Variants in KIAA0232 observed in about 807,000 individuals in gnomAD.
The protein encoded by KIAA0232 is uncharacterized protein KIAA0232.
In KIAA0232, 27 loss-of-function variants were observed where a neutral mutation model predicts 122.0. The ratio of observed to expected loss-of-function variants is 0.22; its 90% CI spans 0.16 to 0.31. KIAA0232 has a LOEUF of 0.31. Among genes scored for constraint, KIAA0232 ranks in the 10% least tolerant of loss-of-function variants. KIAA0232 has a pLI of 1.00. For synonymous variants in KIAA0232, 613 were observed against 587.6 expected, an observed-to-expected ratio of 1.04 and a Z score of -0.63; for missense variants, 1,551 against 1,634.2, an observed-to-expected ratio of 0.95 and a Z score of 0.88.
rs187596848 is a variant in KIAA0232 at position 6,853,040 on chromosome 4, T to C, written c.370-4124T>C. Among the ~76,000 whole-genome samples the C allele has an allele frequency of 5.0e-3, 768 of 152,270 alleles. 2 individuals are homozygous for C. Among genetic ancestry groups the C allele is most frequent in the Non-Finnish European group, 8.2e-3 (557 of 68,016 alleles). Reference sequence around the variant, plus strand: ...TTCTGGAGAGATTAAGTAGACAGCTTCTGGACTTTGGGATACTAGGCACCC... The same window carrying C: ...TTCTGGAGAGATTAAGTAGACAGCTCCTGGACTTTGGGATACTAGGCACCC... On this transcript the variant is annotated intron_variant, in intron 4 of 9. Transcript: ENST00000307659.
In KIAA0232 at chr4:6,816,785, A is replaced by G. The variant is rs576470306; in HGVS notation, c.-269-7400A>G. Among the ~76,000 whole-genome samples, 29 of 152,332 alleles carry G rather than the reference A, an allele frequency of 1.9e-4. No individual in the cohort carries two copies. The Middle Eastern group carries it at 0.01, about 54-fold the overall frequency. On this transcript the variant is annotated intron_variant, in intron 2 of 9. Transcript: ENST00000307659. Reference sequence around the variant, plus strand: ...TAAATTCAATTCCCTTTATAGATATAGGACTGTTCATTCTGTTTCTTCTTG... The same window carrying G: ...TAAATTCAATTCCCTTTATAGATATGGGACTGTTCATTCTGTTTCTTCTTG...
Position 6,863,002 on chromosome 4 carries a change from C to T in KIAA0232, c.2620C>T (p.Pro874Ser). The change falls in exon 7 of 10, where the codon CCT (proline) becomes TCT (serine). Residue 874 changes from proline to serine, a missense_variant. Physicochemically the swap from Pro to Ser is moderately conservative, Grantham distance 74. Coordinates refer to ENST00000307659, the MANE Select transcript of KIAA0232 (RefSeq NM_014743.3). The part of the protein sequence containing the change: ...AEAELETLQE[P>S]DKAVRRSEYH... Reference sequence around the variant, plus strand: ...AGCTGAACTGGAGACCCTTCAGGAGCCTGATAAGGCTGTGCGGAGGTCAGA... The same window carrying T: ...AGCTGAACTGGAGACCCTTCAGGAGTCTGATAAGGCTGTGCGGAGGTCAGA... The T allele has an allele frequency of 7.4e-6, 12 of 1,614,166 alleles. No homozygotes were observed. The highest frequency in any genetic ancestry group is 1.0e-5 in the Non-Finnish European group (12 of 1,180,028).
At position 6,862,395 on chromosome 4, in the gene KIAA0232, T is replaced by C. The variant is rs142571687; in HGVS notation, c.2013T>C (p.Asn671=). Residue 671 remains asparagine, a synonymous_variant, in exon 7 of 10, where the codon AAT becomes AAC. Transcript: ENST00000307659. ...PFSFETLNLG[N]ENTDSSANML... is the part of the protein sequence containing the mutation. The stretch of plus-strand genomic sequence containing the variant: ...CTTTTGAAACACTCAACTTGGGAAA[T>C]GAAAATACAGATTCTAGTGCTAATA... 2.1e-3 allele frequency: 3,324 copies of C among 1,614,164 alleles called. 5 individuals carry two copies. The highest frequency in any genetic ancestry group is 2.3e-3 in the Non-Finnish European group (2,722 of 1,180,028).
intron 4 of KIAA0232, among the ~76,000 whole-genome samples, chr4:6,844,072 T>A (rs1477010413): frequency 1.3e-5 from 2 of 151,450 alleles, no homozygotes; most frequent in Non-Finnish European, 2.9e-5. Context: ...CCTGAATAGC[T>A]GGGACTACAG....
chr4:6,856,786 G>T (rs563785555), intron 4 of KIAA0232, among the ~76,000 whole-genome samples: 23 of 152,058 alleles, frequency 1.5e-4, no homozygotes, highest in Admixed American at 4.6e-4. Flanking sequence ...ATAAGATCTC[G>T]CTCACATAAA....
chr4:6,839,009 A>T (rs1719498953), intron 3 of KIAA0232, among the ~76,000 whole-genome samples: 1 of 152,086 alleles, frequency 6.6e-6, no homozygotes, highest in Non-Finnish European at 1.5e-5. Flanking sequence ...CATGCCTGCA[A>T]TCCCAGCTAC....
intron 7 of KIAA0232, among the ~76,000 whole-genome samples, chr4:6,865,855 C>T (rs1236948234): frequency 6.6e-6 from 1 of 152,204 alleles, no homozygotes; most frequent in Non-Finnish European, 1.5e-5. Context: ...TTTTCATGCA[C>T]TTTATGCCTC....
intron 4 of KIAA0232, among the ~76,000 whole-genome samples, chr4:6,843,333 G>A (rs926073636): frequency 4.6e-5 from 7 of 152,184 alleles, no homozygotes; most frequent in Admixed American, 2.6e-4. Context: ...TGGACTAATT[G>A]TTGAATGGTC....
chr4:6,874,479 CTG>C (rs1332117763), intron 8 of KIAA0232, among the ~76,000 whole-genome samples: 1 of 152,206 alleles, frequency 6.6e-6, no homozygotes, highest in Non-Finnish European at 1.5e-5. Context: ...CTTGTAGACT[CTG>C]TGCACCAGGA....
intron 1 of KIAA0232, among the ~76,000 whole-genome samples, chr4:6,803,746 G>A (rs754775734): frequency 2.0e-5 from 3 of 152,132 alleles, no homozygotes; most frequent in Non-Finnish European, 2.9e-5. Context: ...TGGATTGTTA[G>A]CTATTTTCTT....
intron 3 of KIAA0232, among the ~76,000 whole-genome samples, chr4:6,830,403 C>CTTTTT (rs10714574): frequency 5.3e-5 from 4 of 75,524 alleles, no homozygotes; most frequent in Admixed American, 1.4e-4. Context: ...TCTCTGTTGT[C>CTTTTT]TTTTTTTTTT....
intron 1 of KIAA0232, among the ~76,000 whole-genome samples, chr4:6,803,244 A>G (rs1348544228): frequency 6.6e-6 from 1 of 150,588 alleles, no homozygotes; most frequent in African/African-American, 2.4e-5. Context: ...TTCTCATATA[A>G]ATTGAAGCCC....
chr4:6,857,137 C>G (rs765350840), intron 4 of KIAA0232, 27 bp from the exon 5 acceptor site: 2 of 1,567,428 alleles, frequency 1.3e-6, no homozygotes, highest in East Asian at 2.3e-5. Flanking sequence ...TGGCTGTAAC[C>G]TAATGTGTCT....
intron 4 of KIAA0232, among the ~76,000 whole-genome samples, chr4:6,854,230 T>C (rs1298513032): frequency 6.6e-6 from 1 of 152,188 alleles, no homozygotes; most frequent in Non-Finnish European, 1.5e-5. Flanking sequence ...TCTGGATGCC[T>C]CACATGTGTC....
chr4:6,846,997 A>G (rs140516530), intron 4 of KIAA0232, among the ~76,000 whole-genome samples: 2 of 152,186 alleles, frequency 1.3e-5, no homozygotes, highest in African/African-American at 4.8e-5. Context: ...ATTGGTCACA[A>G]TCAAAAACCA....
rs1216064133 is a variant in KIAA0232 at position 6,861,744 on chromosome 4, T to C, written c.1362T>C (p.Asn454=). ...ATGGTCTTTGTATCAGCAACAATAATCTTCATAAAACATACCTCGCAGCAG... is the reference window on the plus strand; with the variant it reads ...ATGGTCTTTGTATCAGCAACAATAACCTTCATAAAACATACCTCGCAGCAG... ...SVHGLCISNN[N]LHKTYLAAGT... Residue 454 remains asparagine, a synonymous_variant, in exon 7 of 10, where the codon AAT becomes AAC. Transcript: ENST00000307659. 2.5e-6 allele frequency: 4 copies of C among 1,614,054 alleles called. No homozygotes were observed. The highest frequency in any genetic ancestry group is 3.4e-6 in the Non-Finnish European group (4 of 1,180,048).
At chr4:6,877,372 C>G (rs927755681) in intron 9 of KIAA0232, among the ~76,000 whole-genome samples, 1 of 152,204 alleles carries the variant, frequency 6.6e-6, no homozygotes, top group Non-Finnish European at 1.5e-5. Flanking sequence ...TAGACCTTCC[C>G]CGGTTAAGAG....
At chr4:6,866,139 AT>A in intron 7 of KIAA0232, 7 of 731,536 alleles carry the variant, frequency 9.6e-6, no homozygotes, top group Non-Finnish European at 1.2e-5. Context: ...TTATTGCCCC[AT>A]TTTTCATCCT....
chr4:6,851,557 CAAAAGA>C (rs1299763718), intron 4 of KIAA0232, among the ~76,000 whole-genome samples: 1 of 150,224 alleles, frequency 6.7e-6, no homozygotes, highest in Non-Finnish European at 1.5e-5. Context: ...GAAAAAAAAA[CAAAAGA>C]AAAGCCAAGT....
Sources: allele counts gnomAD v4.1 joint callset (sites outside exome capture counted in the v4.1 genomes callset), GRCh38; gene constraint gnomAD v4.1.1; transcripts MANE v1.5; gene names NCBI Gene and HGNC (gene_info 2026-07-23, HGNC 2026-07-21).